Variants in PLD5 observed in about 807,000 individuals in gnomAD.
PLD5 encodes the protein inactive phospholipase D5.
In PLD5, 36 loss-of-function variants were observed where a neutral mutation model predicts 61.1. The ratio of observed to expected loss-of-function variants is 0.59; its 90% CI spans 0.45 to 0.78. The LOEUF (loss-of-function observed/expected upper bound fraction) is 0.78. PLD5 is among the 30% of genes least tolerant of loss of function. The probability of loss-of-function intolerance (pLI) is 0.00; values close to 1 mark genes in which losing one functional copy is unlikely to be tolerated. For synonymous variants in PLD5, 243 were observed against 242.8 expected (o/e 1.00, Z -0.01); for missense variants, 515 against 644.4 (o/e 0.80, Z 2.17).
chr1:242,334,732 G>A (rs567890269), intron 2 of PLD5, among the ~76,000 whole-genome samples: 2 of 152,194 alleles, frequency 1.3e-5, no homozygotes, highest in South Asian at 2.1e-4. Context: ...TCCCTTATCT[G>A]ACTAAGAGCA....
chr1:242,144,509 C>T (rs901382652), intron 5 of PLD5, among the ~76,000 whole-genome samples: 3 of 151,994 alleles, frequency 2.0e-5, no homozygotes, highest in African/African-American at 4.8e-5. Context: ...AGGTTAGGTG[C>T]GTGGCTCATG....
chr1:242,117,789 G>A (rs1662064716), intron 6 of PLD5, among the ~76,000 whole-genome samples: 1 of 152,026 alleles, frequency 6.6e-6, no homozygotes, highest in Non-Finnish European at 1.5e-5. Flanking sequence ...CCATTTTTAA[G>A]TGTACAGTTC....
chr1:242,497,806 A>G (rs1396841634), intron 1 of PLD5, among the ~76,000 whole-genome samples: 1 of 152,238 alleles, frequency 6.6e-6, no homozygotes, highest in African/African-American at 2.4e-5. Flanking sequence ...ACATATTATG[A>G]GTCAGGCACT....
chr1:242,093,471 A>G (rs773565041), intron 9 of PLD5, among the ~76,000 whole-genome samples: 9 of 152,180 alleles, frequency 5.9e-5, no homozygotes, highest in Non-Finnish European at 1.2e-4. Flanking sequence ...TATTTCTTCA[A>G]TCTTCACTGC....
At position 242,452,434 on chromosome 1, in the gene PLD5, A is replaced by G. The variant is rs147889826; in HGVS notation, c.189+71654T>C. Among the ~76,000 whole-genome samples, 27 of 152,308 alleles carry G rather than the reference A, an allele frequency of 1.8e-4. No individual in the cohort carries two copies. In the East Asian group the frequency reaches 5.2e-3, roughly 29 times the overall value. ...TACCTGGCCTCACAAACCATCAGCA[A>G]GAAAGTTAGGAAGTTCTGGAGAGTG... On this transcript the variant is annotated intron_variant, in intron 1 of 9. Transcript: ENST00000536534.
At chr1:242,404,292 C>A (rs1664105127) in intron 1 of PLD5, among the ~76,000 whole-genome samples, 1 of 152,064 alleles carries the variant, frequency 6.6e-6, no homozygotes, top group Non-Finnish European at 1.5e-5. Flanking sequence ...TTTTTAAGAC[C>A]TTAAGAAAAA....
At chr1:242,254,362 AAAAG>A (rs1241090631) in intron 4 of PLD5, among the ~76,000 whole-genome samples, 5 of 151,460 alleles carry the variant, frequency 3.3e-5, no homozygotes, top group Middle Eastern at 3.4e-3. Context: ...AAAAAAAAAA[AAAAG>A]AAAGAAAGGA....
chr1:242,501,116 T>A (rs1049503509), intron 1 of PLD5, among the ~76,000 whole-genome samples: 1 of 152,198 alleles, frequency 6.6e-6, no homozygotes, highest in African/African-American at 2.4e-5. Flanking sequence ...CTGAAGTTAA[T>A]GGTAGACAGT....
At chr1:242,252,899 T>C (rs1364520323) in intron 4 of PLD5, among the ~76,000 whole-genome samples, 2 of 146,496 alleles carry the variant, frequency 1.4e-5, no homozygotes, top group South Asian at 4.8e-4. Flanking sequence ...TCACTGCAAC[T>C]TCCGCCTCCT....
intron 6 of PLD5, among the ~76,000 whole-genome samples, chr1:242,114,254 C>T: frequency 6.6e-6 from 1 of 152,204 alleles, no homozygotes; most frequent in Middle Eastern, 3.4e-3. Flanking sequence ...CTTTTATTAT[C>T]TGACACATTT....
intron 1 of PLD5, among the ~76,000 whole-genome samples, chr1:242,405,696 G>A (rs1033093129): frequency 6.6e-6 from 1 of 151,756 alleles, no homozygotes; most frequent in Non-Finnish European, 1.5e-5. Flanking sequence ...CTGCCTATAA[G>A]GTTCAAGCAA....
intron 1 of PLD5, among the ~76,000 whole-genome samples, chr1:242,521,481 G>A (rs570095554): frequency 6.6e-6 from 1 of 152,096 alleles, no homozygotes; most frequent in Non-Finnish European, 1.5e-5. Context: ...CATTTCAGGG[G>A]AATTCTGTTA....
At chr1:242,240,944 T>G (rs1671961131) in intron 4 of PLD5, among the ~76,000 whole-genome samples, 1 of 152,162 alleles carries the variant, frequency 6.6e-6, no homozygotes, top group Non-Finnish European at 1.5e-5. Context: ...ACTGGGTGGC[T>G]GTAAAAGGTG....
intron 1 of PLD5, among the ~76,000 whole-genome samples, chr1:242,391,563 C>G (rs1047714465): frequency 6.6e-6 from 1 of 151,980 alleles, no homozygotes; most frequent in African/African-American, 2.4e-5. Context: ...CTTTTAATCT[C>G]GCAGAAGTGA....
At position 242,203,319 on chromosome 1, in the gene PLD5, G is replaced by T. The variant is rs1042108585; in HGVS notation, c.735+16669C>A. 5.3e-5 allele frequency among the ~76,000 whole-genome samples: 8 copies of T among 152,032 alleles called. 2 individuals are homozygous for T. The South Asian group carries it at 1.2e-3, about 24-fold the overall frequency. On this transcript the variant is annotated intron_variant, in intron 5 of 9. Transcript: ENST00000536534. ...CTGAAACCTTCCTTCCCTTTTTTCC[G>T]CCATGAAGCTTTCCCATTCCTGTCC...
At chr1:242,263,987 C>T (rs781675908) in intron 4 of PLD5, among the ~76,000 whole-genome samples, 40 of 152,318 alleles carry the variant, frequency 2.6e-4, no homozygotes, top group Non-Finnish European at 3.8e-4. Context: ...CCCTCCTTCT[C>T]TTCCTAACAC....
chr1:242,193,541 T>C (rs1239361258), intron 5 of PLD5, among the ~76,000 whole-genome samples: 1 of 152,236 alleles, frequency 6.6e-6, no homozygotes, highest in Non-Finnish European at 1.5e-5. Context: ...GTTTGACTAC[T>C]TCTGGCATTG....
chr1:242,451,475 T>C (rs1176518447), intron 1 of PLD5, among the ~76,000 whole-genome samples: 1 of 151,064 alleles, frequency 6.6e-6, no homozygotes, highest in Non-Finnish European at 1.5e-5. Context: ...TTTTTTTTTT[T>C]TTTGAGAGGA....
At chr1:242,111,307 T>G (rs1308458628) in intron 7 of PLD5, among the ~76,000 whole-genome samples, 1 of 152,120 alleles carries the variant, frequency 6.6e-6, no homozygotes, top group Non-Finnish European at 1.5e-5. Flanking sequence ...TCGGCCCACC[T>G]CGGCCTCCCA....
Sources: allele counts gnomAD v4.1 joint callset (sites outside exome capture counted in the v4.1 genomes callset), GRCh38; gene constraint gnomAD v4.1.1; transcripts MANE v1.5; gene names NCBI Gene and HGNC (gene_info 2026-07-23, HGNC 2026-07-21).